Variants in SMG7 observed in about 807,000 individuals in gnomAD.
SMG7 encodes the protein SMG7 nonsense mediated mRNA decay factor.
A neutral mutation model predicts 148.2 loss-of-function variants in SMG7; 34 were observed. The ratio of observed to expected loss-of-function variants is 0.23; its 90% CI spans 0.17 to 0.31. SMG7 has a LOEUF of 0.31. Ranked by LOEUF, SMG7 falls within the 10% of genes least tolerant of loss-of-function variation. SMG7 has a pLI of 1.00. For synonymous variants in SMG7, 492 were observed against 515.1 expected (o/e 0.96, Z 0.61); for missense variants, 1,114 against 1,408.4 (o/e 0.79, Z 3.35).
At chr1:183,506,551 G>T (rs1027940520) in intron 1 of SMG7, among the ~76,000 whole-genome samples, 1 of 151,534 alleles carries the variant, frequency 6.6e-6, no homozygotes, top group African/African-American at 2.4e-5. Context: ...AGATTATTGT[G>T]TTTATGGTTA....
At chr1:183,541,249 C>A in intron 13 of SMG7, 146 bp downstream of exon 13, 1 of 697,568 alleles carries the variant, frequency 1.4e-6, no homozygotes, top group Non-Finnish European at 2.5e-6. Context: ...ACTCTTAAAT[C>A]GACATGTTGG....
chr1:183,542,039 A>C (rs1367513807), intron 13 of SMG7, 37 bp from the exon 14 acceptor site: 1 of 1,530,252 alleles, frequency 6.5e-7, no homozygotes, highest in Admixed American at 2.0e-5. Context: ...TTTTAAGTTA[A>C]TGTTTTTTAT....
intron 10 of SMG7, 105 bp downstream of exon 10, chr1:183,533,937 A>G: frequency 3.2e-6 from 3 of 933,464 alleles, no homozygotes; most frequent in African/African-American, 1.7e-5. Context: ...ACAATAGAAT[A>G]CTGTATTTTC....
At chr1:183,526,235 G>A (rs1049018903) in intron 4 of SMG7, among the ~76,000 whole-genome samples, 47 of 150,036 alleles carry the variant, frequency 3.1e-4, no homozygotes, top group African/African-American at 1.0e-3. Flanking sequence ...TGCAACCTCC[G>A]CCTCCTGGGT....
chr1:183,484,303 C>T (rs566768041), intron 1 of SMG7, among the ~76,000 whole-genome samples: 18 of 151,522 alleles, frequency 1.2e-4, no homozygotes, highest in Admixed American at 3.3e-4. Flanking sequence ...AAAGTTGTTA[C>T]ACTATATTGC....
chr1:183,490,048 CT>C (rs2102191762), intron 1 of SMG7, among the ~76,000 whole-genome samples: 1 of 152,150 alleles, frequency 6.6e-6, no homozygotes, highest in African/African-American at 2.4e-5. Context: ...TGATCCAGGG[CT>C]AGTTTTTGAA....
At position 183,551,157 on chromosome 1, in the gene SMG7, G is replaced by A; in HGVS notation, c.3417G>A (p.Glu1139=). ...GTWTGHGPSM[E]DSSAVLMESL... is the part of the protein sequence containing the mutation. ...GGACAGGCCATGGCCCTTCCATGGA[G>A]GATTCCTCTGCTGTCCTCATGGAAA... is the stretch of plus-strand genomic sequence containing the variant. Residue 1139 remains glutamate (E), a synonymous_variant, in exon 22 of 23, where the codon GAG becomes GAA. Coordinates refer to ENST00000688051, the MANE Select transcript of SMG7 (RefSeq NM_001375584.1). 6.3e-7 allele frequency: 1 copy of A among 1,585,250 alleles called. No homozygotes were observed. The highest frequency in any genetic ancestry group is 8.5e-7 in the Non-Finnish European group (1 of 1,173,096).
chr1:183,553,368 T>C lies in SMG7; in HGVS notation c.*1437T>C. ...TGCTGTGCTAGTGGTAGGGTTTATT[T>C]TCTGGGAGGTCTCTCCTTTGTGTGT... On this transcript the variant is annotated 3_prime_UTR_variant, in exon 23 of 23. Coordinates refer to ENST00000688051, the MANE Select transcript of SMG7 (RefSeq NM_001375584.1). 1 of 740,670 alleles carries C rather than the reference T, an allele frequency of 1.4e-6. No individual in the cohort carries two copies. The highest frequency in any genetic ancestry group is 2.1e-6 in the Non-Finnish European group (1 of 469,412). The allele number at this position is 740,670 out of a possible 1,614,324, so 45.9% of individuals were successfully genotyped here.
At position 183,549,858 on chromosome 1, in the gene SMG7, A is replaced by G. The variant is rs756058781; in HGVS notation, c.3068A>G (p.Gln1023Arg). ...GAACTCAGTCCCTCAATGGCCCCCC[A>G]GGAAACATCTCTGTATTCCCTTTTT... is the stretch of plus-strand genomic sequence containing the variant. ...KAELSPSMAP[Q>R]ETSLYSLFEG... The change falls in exon 20 of 23, where the codon CAG becomes CGG. Residue 1023 changes from glutamine (Q) to arginine (R), a missense_variant. This residue lies in a region of SMG7 where 788 missense variants were observed against 894.5 expected (regional missense o/e 0.88). Coordinates refer to ENST00000688051, the MANE Select transcript of SMG7 (RefSeq NM_001375584.1). 1.9e-6 allele frequency: 3 copies of G among 1,613,976 alleles called. No homozygotes were observed. The East Asian group carries it at 6.7e-5, about 36-fold the overall frequency.
intron 18 of SMG7, 114 bp downstream of exon 18, chr1:183,547,366 C>G: frequency 1.0e-6 from 1 of 997,266 alleles, no homozygotes; most frequent in Non-Finnish European, 1.4e-6. Flanking sequence ...CTTTTCAGAA[C>G]TGTAAAACAT....
At chr1:183,515,723 G>C (rs1663350620) in intron 2 of SMG7, 151 bp from the exon 3 acceptor site, 1 of 383,420 alleles carries the variant, frequency 2.6e-6, no homozygotes, top group Admixed American at 4.5e-5. Flanking sequence ...TTGAAATATA[G>C]TAGTATAAAA....
rs1276076999 is a variant in SMG7, at chr1:183,549,936, C to A, written c.3133+13C>A. The A allele has an allele frequency of 6.2e-7, 1 of 1,600,928 alleles. No individual in the cohort carries two copies. The highest frequency in any genetic ancestry group is 8.6e-7 in the Non-Finnish European group (1 of 1,168,506). The stretch of plus-strand genomic sequence containing the variant: ...CCTGCCAGTTCAGGTATTAACTACT[C>A]TTTAAATTATAGACCTTACATTTCC... On this transcript the variant is annotated intron_variant, in intron 20 of 22. Coordinates refer to ENST00000688051, the MANE Select transcript of SMG7 (RefSeq NM_001375584.1).
chr1:183,535,414 G>A (rs1327277609), intron 10 of SMG7, among the ~76,000 whole-genome samples: 1 of 151,954 alleles, frequency 6.6e-6, no homozygotes, highest in Non-Finnish European at 1.5e-5. Flanking sequence ...AAAATCTTTA[G>A]AATTATGCCC....
At chr1:183,482,060 C>T (rs1324046369) in intron 1 of SMG7, among the ~76,000 whole-genome samples, 2 of 152,032 alleles carry the variant, frequency 1.3e-5, no homozygotes, top group African/African-American at 4.8e-5. Context: ...TGAGTAAATG[C>T]CTCAGTGCAG....
At chr1:183,477,186 G>A (rs998083060) in intron 1 of SMG7, among the ~76,000 whole-genome samples, 1 of 152,150 alleles carries the variant, frequency 6.6e-6, no homozygotes, top group Non-Finnish European at 1.5e-5. Flanking sequence ...ATAAAAGGTG[G>A]CACAGGTGCC....
intron 1 of SMG7, among the ~76,000 whole-genome samples, chr1:183,476,476 TG>T (rs1332479140): frequency 7.2e-5 from 11 of 152,270 alleles, no homozygotes; most frequent in Admixed American, 2.6e-4. Flanking sequence ...AGGAGCAAGA[TG>T]GCTGTTTCAG....
At chr1:183,494,697 G>T (rs1571830411) in intron 1 of SMG7, among the ~76,000 whole-genome samples, 1 of 129,814 alleles carries the variant, frequency 7.7e-6, no homozygotes, top group Admixed American at 7.7e-5. Flanking sequence ...TTTTAAAGAT[G>T]TTATTCTATT....
chr1:183,477,495 T>C (rs969819224), intron 1 of SMG7, among the ~76,000 whole-genome samples: 1 of 151,762 alleles, frequency 6.6e-6, no homozygotes, highest in African/African-American at 2.4e-5. Flanking sequence ...CGTGTGTGCA[T>C]ATGTGTATAT....
chr1:183,477,895 C>T (rs571915769), intron 1 of SMG7, among the ~76,000 whole-genome samples: 2 of 152,116 alleles, frequency 1.3e-5, no homozygotes, highest in South Asian at 4.2e-4. Context: ...GCTCACTTGT[C>T]AGAAGTTTTG....
Sources: allele counts gnomAD v4.1 joint callset (sites outside exome capture counted in the v4.1 genomes callset), GRCh38; gene constraint gnomAD v4.1.1; regional missense constraint gnomAD v4.1.1; transcripts MANE v1.5; gene names NCBI Gene and HGNC (gene_info 2026-07-23, HGNC 2026-07-21).